PITPNC1: variants seen among roughly 807,000 people sequenced by gnomAD.
PITPNC1 encodes cytoplasmic phosphatidylinositol transfer protein 1.
PITPNC1 carries 18 observed loss-of-function variants against 44.7 expected under a neutral mutation model. The ratio of observed to expected loss-of-function variants is 0.40; its 90% CI spans 0.28 to 0.60. The LOEUF is 0.60. PITPNC1 is among the 20% of genes least tolerant of loss of function. The pLI is 0.39. For missense variants in PITPNC1, 290 were observed against 418.4 expected, an observed-to-expected ratio of 0.69 and a Z score of 2.68; for synonymous variants, 141 against 149.6, an observed-to-expected ratio of 0.94 and a Z score of 0.42.
At chr17:67,529,681 T>A (rs1233485570) in intron 1 of PITPNC1, among the ~76,000 whole-genome samples, 2 of 152,152 alleles carry the variant, frequency 1.3e-5, no homozygotes, top group African/African-American at 2.4e-5. Context: ...AGCAAGTGGC[T>A]CATGCCTGTA....
intron 1 of PITPNC1, among the ~76,000 whole-genome samples, chr17:67,507,708 A>G (rs12952167): frequency 1.4e-5 from 2 of 144,684 alleles, no homozygotes; most frequent in East Asian, 2.0e-4. Flanking sequence ...AAAAAAAAAA[A>G]GAGTAGAACT....
At chr17:67,608,086 G>T (rs879854275) in intron 5 of PITPNC1, among the ~76,000 whole-genome samples, 1 of 152,022 alleles carries the variant, frequency 6.6e-6, no homozygotes, top group African/African-American at 2.4e-5. Context: ...TTTCCCTTAC[G>T]TAACCATCGT....
At chr17:67,582,451 C>T (rs572220333) in intron 5 of PITPNC1, among the ~76,000 whole-genome samples, 7 of 151,954 alleles carry the variant, frequency 4.6e-5, no homozygotes, top group African/African-American at 1.2e-4. Context: ...AAATTGATGA[C>T]GATAAGAAGC....
At chr17:67,489,724 T>C (rs2144042217) in intron 1 of PITPNC1, among the ~76,000 whole-genome samples, 1 of 152,234 alleles carries the variant, frequency 6.6e-6, no homozygotes, top group South Asian at 2.1e-4. Flanking sequence ...CTGTCTGTTG[T>C]CTTTTTGGTT....
rs1291056467 is a variant in PITPNC1, at chr17:67,377,496, G to A, written c.-659G>A. On this transcript the variant is annotated 5_prime_UTR_variant, in exon 1 of 9. Transcript: ENST00000581322. ...CGGGGCCCCAGCCGGGCAGAGCCGAGCGGCGGCGGCGGCGGCGGCTTCCCT... is the reference window on the plus strand; with the variant it reads ...CGGGGCCCCAGCCGGGCAGAGCCGAACGGCGGCGGCGGCGGCGGCTTCCCT... 1 of 151,716 alleles carries A rather than the reference G, an allele frequency of 6.6e-6. No individual in the cohort carries two copies. The highest frequency in any genetic ancestry group is 1.5e-5 in the Non-Finnish European group (1 of 68,764). 9.4% of individuals were successfully genotyped at this position (151,716 alleles called of 1,614,324 possible). A position where few individuals can be genotyped will look rare whatever the true frequency, so the allele number is the denominator to read the frequency against.
At chr17:67,482,437 G>T (rs2039717466) in intron 1 of PITPNC1, among the ~76,000 whole-genome samples, 1 of 152,074 alleles carries the variant, frequency 6.6e-6, no homozygotes, top group South Asian at 2.1e-4. Context: ...TTCACAATAA[G>T]ATCAAATTTT....
chr17:67,493,356 C>T (rs1351592021), intron 1 of PITPNC1, among the ~76,000 whole-genome samples: 2 of 152,174 alleles, frequency 1.3e-5, no homozygotes, highest in Non-Finnish European at 2.9e-5. Context: ...CTTAACCCAT[C>T]GCTGGAGTGA....
intron 6 of PITPNC1, among the ~76,000 whole-genome samples, chr17:67,651,040 G>A (rs1019804726): frequency 1.3e-5 from 2 of 152,144 alleles, no homozygotes; most frequent in African/African-American, 4.8e-5. Flanking sequence ...TTTAAAAATA[G>A]CACTTTAGGT....
chr17:67,561,455 CAA>C (rs554951008), intron 4 of PITPNC1, among the ~76,000 whole-genome samples: 9 of 134,336 alleles, frequency 6.7e-5, no homozygotes, highest in Admixed American at 1.5e-4. Flanking sequence ...GACTCTGTCT[CAA>C]AAAAAAAAAA....
At chr17:67,381,326 CAAA>C (rs1221190761) in intron 1 of PITPNC1, among the ~76,000 whole-genome samples, 4 of 51,142 alleles carry the variant, frequency 7.8e-5, no homozygotes, top group Non-Finnish European at 1.1e-4. Flanking sequence ...AGACTCCACT[CAAA>C]AAAAAAAAAA....
chr17:67,531,810 G>A (rs1429391513), intron 1 of PITPNC1, among the ~76,000 whole-genome samples: 2 of 152,152 alleles, frequency 1.3e-5, no homozygotes, highest in African/African-American at 2.4e-5. Context: ...CTCTAGGAAG[G>A]ATGGCAGCAG....
At chr17:67,506,067 C>T (rs1039996199) in intron 1 of PITPNC1, among the ~76,000 whole-genome samples, 2 of 152,124 alleles carry the variant, frequency 1.3e-5, no homozygotes, top group Non-Finnish European at 2.9e-5. Context: ...CCCACTCAGT[C>T]CCTTTCCCTT....
chr17:67,565,515 G>GT (rs59484159), intron 4 of PITPNC1, among the ~76,000 whole-genome samples: 6,651 of 6,732 alleles, frequency 0.99, 3,285 homozygotes, highest in Middle Eastern at 1. Flanking sequence ...GTTTTTCCAT[G>GT]TTTTTTGGTG....
At chr17:67,402,254 T>C (rs2038326548) in intron 1 of PITPNC1, among the ~76,000 whole-genome samples, 1 of 152,254 alleles carries the variant, frequency 6.6e-6, no homozygotes, top group Non-Finnish European at 1.5e-5. Flanking sequence ...ATGTGCCTTT[T>C]GCTTTTTCTT....
intron 5 of PITPNC1, among the ~76,000 whole-genome samples, chr17:67,583,699 C>CT (rs201183445): frequency 1.1e-3 from 147 of 139,208 alleles, no homozygotes; most frequent in African/African-American, 1.8e-3. Flanking sequence ...CATTGGGATT[C>CT]TTTTTTTTTT....
intron 1 of PITPNC1, among the ~76,000 whole-genome samples, chr17:67,500,231 T>C (rs920383296): frequency 3.3e-5 from 5 of 152,066 alleles, no homozygotes; most frequent in Non-Finnish European, 7.4e-5. Flanking sequence ...ATTAAGGCCT[T>C]ACCCTTTCAT....
chr17:67,394,721 C>T (rs375784521), intron 1 of PITPNC1, among the ~76,000 whole-genome samples: 3 of 151,968 alleles, frequency 2.0e-5, no homozygotes, highest in East Asian at 1.9e-4. Flanking sequence ...GGCTAAACCC[C>T]GTCTCGACTA....
At chr17:67,482,267 A>G (rs546251277) in intron 1 of PITPNC1, among the ~76,000 whole-genome samples, 1 of 152,314 alleles carries the variant, frequency 6.6e-6, no homozygotes, top group Admixed American at 6.5e-5. Context: ...TTTTTTAAAT[A>G]TATGGTTTTA....
chr17:67,531,209 G>A lies in PITPNC1; in HGVS notation c.49-1593G>A, dbSNP rs2916132. Among the ~76,000 whole-genome samples, 1,143 of 152,318 alleles carry A rather than the reference G, an allele frequency of 7.5e-3. 12 individuals are homozygous for A. Among genetic ancestry groups the A allele is most frequent in the African/African-American group, 0.026 (1,098 of 41,570 alleles). On this transcript the variant is annotated intron_variant, in intron 1 of 8. Transcript: ENST00000581322. The stretch of plus-strand genomic sequence containing the variant: ...AATGATCTGAGATCACACCACTGTA[G>A]TCCCGCCCGTGTGACAGAGTGAGAC...
Sources: gnomAD v4.1 joint callset for allele counts (sites outside exome capture counted in the v4.1 genomes callset) on GRCh38, gnomAD v4.1.1 for gene constraint, MANE v1.5 for transcripts, NCBI Gene and HGNC (gene_info 2026-07-23, HGNC 2026-07-21) for gene names.